Variants in DDX54 observed in about 807,000 individuals in gnomAD.
DDX54 encodes the protein ATP-dependent RNA helicase DDX54.
A neutral mutation model predicts 105.5 loss-of-function variants in DDX54; 67 were observed. The ratio of observed to expected loss-of-function variants is 0.64; its 90% CI spans 0.52 to 0.78. DDX54 has a LOEUF of 0.78. DDX54 is among the 30% of genes least tolerant of loss of function. The pLI, the probability that DDX54 is intolerant of heterozygous loss-of-function variation, is 0.00. For missense variants in DDX54, 1,206 were observed against 1,230.5 expected (o/e 0.98, Z 0.30); for synonymous variants, 514 against 509.9 (o/e 1.01, Z -0.11).
chr12:113,175,213 C>T, intron 7 of DDX54, 56 bp from the exon 8 acceptor site: 1 of 1,533,866 alleles, frequency 6.5e-7, no homozygotes. Context: ...CCTGGAGTTC[C>T]AACCGCAGCC....
chr12:113,171,802 G>A (rs1480853752), intron 11 of DDX54, among the ~76,000 whole-genome samples: 1 of 152,114 alleles, frequency 6.6e-6, no homozygotes, highest in African/African-American at 2.4e-5. Flanking sequence ...AGCAATGGGG[G>A]ACAGTGATCT....
At chr12:113,161,505 C>A in intron 18 of DDX54, 123 bp from the exon 19 acceptor site, 1 of 737,498 alleles carries the variant, frequency 1.4e-6, no homozygotes, top group South Asian at 1.8e-5. Flanking sequence ...CGGCCCCGCC[C>A]CCAGCACACA....
Position 113,163,865 on chromosome 12 carries a change from C to A in DDX54, c.1938+202G>T, listed in dbSNP as rs978300010. ...ACTGAGGGTGTCATGTCGTGCACAG[C>A]TCCTCAGGCTAAAGATCTGGCCCCA... On this transcript the variant is annotated intron_variant, in intron 15 of 19. Coordinates refer to ENST00000306014, the MANE Select transcript of DDX54 (RefSeq NM_024072.4). This position sits in a 1 kb window ranked among gnomAD's most constrained non-coding sequence, Gnocchi z 5.9. 1.3e-5 allele frequency among the ~76,000 whole-genome samples: 2 copies of A among 152,200 alleles called. No homozygotes were observed. The highest frequency in any genetic ancestry group is 2.9e-5 in the Non-Finnish European group (2 of 68,032).
chr12:113,160,937 G>C (rs1952196195), intron 19 of DDX54, among the ~76,000 whole-genome samples: 1 of 152,218 alleles, frequency 6.6e-6, no homozygotes, highest in African/African-American at 2.4e-5. Flanking sequence ...TTAATTAGGT[G>C]AACAGGGCAT....
intron 3 of DDX54, 50 bp downstream of exon 3, chr12:113,179,885 G>C (rs1464430619): frequency 1.3e-6 from 2 of 1,599,634 alleles, no homozygotes; most frequent in South Asian, 2.2e-5. Flanking sequence ...AGAGAGGAGG[G>C]CCATGTCACT....
chr12:113,162,602 G>T, intron 17 of DDX54: 1 of 351,034 alleles, frequency 2.8e-6, no homozygotes, highest in African/African-American at 2.2e-5. Flanking sequence ...ACTCACCCTG[G>T]GCCTGGAGGG....
In DDX54 at chr12:113,179,079, G is replaced by A. The variant is rs552006052; in HGVS notation, c.565-53C>T. 12 of 1,613,196 alleles carry A rather than the reference G, an allele frequency of 7.4e-6. No homozygotes were observed. The Middle Eastern group carries it at 6.6e-4, about 89-fold the overall frequency. On this transcript the variant is annotated intron_variant, in intron 4 of 19. Coordinates refer to ENST00000306014, the MANE Select transcript of DDX54 (RefSeq NM_024072.4). ...GCAGGGGTGAGATGACAGCACACTCGTGGCCTCTGTGTCCGGTCCCAAGTC... is the reference window on the plus strand; with the variant it reads ...GCAGGGGTGAGATGACAGCACACTCATGGCCTCTGTGTCCGGTCCCAAGTC...
rs1198032782 is a variant in DDX54 at position 113,185,423 on chromosome 12, C to A, written c.29G>T (p.Gly10Val). MAADKGPAA[G>V]PRSRAAMAQW... ...GGCCATGGCAGCTCGCGACCGAGGT[C>A]CAGCCGCCGGGCCCTTGTCGGCCGC... Residue 10 changes from glycine to valine, a missense_variant, in exon 1 of 20, where the codon GGA becomes GTA. Transcript: ENST00000306014. The A allele has an allele frequency of 3.3e-6, 5 of 1,526,558 alleles. No individual in the cohort carries two copies. The highest frequency in any genetic ancestry group is 4.4e-6 in the Non-Finnish European group (5 of 1,139,764). 94.6% of individuals were successfully genotyped at this position (1,526,558 alleles called of 1,614,324 possible).
intron 5 of DDX54, 86 bp from the exon 6 acceptor site, chr12:113,177,179 AC>A (rs1361524123): frequency 9.3e-6 from 14 of 1,506,222 alleles, no homozygotes; most frequent in Non-Finnish European, 1.3e-5. Flanking sequence ...AAGGCTGCAC[AC>A]CCCATCCCCA....
intron 7 of DDX54, among the ~76,000 whole-genome samples, chr12:113,175,776 G>A (rs1593006265): frequency 6.6e-6 from 1 of 151,144 alleles, no homozygotes; most frequent in Non-Finnish European, 1.5e-5. Flanking sequence ...GCAACAGAGT[G>A]AGACTCCGTC....
chr12:113,183,559 C>T (rs1952489506), intron 1 of DDX54, among the ~76,000 whole-genome samples: 1 of 152,224 alleles, frequency 6.6e-6, no homozygotes, highest in African/African-American at 2.4e-5. Context: ...TGCCAGGCAC[C>T]CGCTGGGAAC....
At chr12:113,176,615 T>A (rs182922825) in intron 7 of DDX54, among the ~76,000 whole-genome samples, 1 of 152,302 alleles carries the variant, frequency 6.6e-6, no homozygotes, top group Non-Finnish European at 1.5e-5. Context: ...GTCCTATTAT[T>A]CATTTCAATA....
chr12:113,167,411 A>G (rs1230788917), intron 12 of DDX54, among the ~76,000 whole-genome samples: 1 of 152,176 alleles, frequency 6.6e-6, no homozygotes. Flanking sequence ...TAAAAAAGCA[A>G]AACAACAAAA....
At chr12:113,173,390 C>G (rs1270792059) in intron 10 of DDX54, among the ~76,000 whole-genome samples, 1 of 152,150 alleles carries the variant, frequency 6.6e-6, no homozygotes, top group East Asian at 1.9e-4. Flanking sequence ...CTATTTTGGT[C>G]TTATTCACTG....
chr12:113,161,033 G>A (rs376477717), intron 19 of DDX54, among the ~76,000 whole-genome samples: 6 of 148,518 alleles, frequency 4.0e-5, no homozygotes, highest in East Asian at 4.0e-4. Context: ...ACTTCCCAGC[G>A]CCTGTCAGGC....
At chr12:113,159,850 G>A (rs1350045719) in intron 19 of DDX54, among the ~76,000 whole-genome samples, 1 of 152,044 alleles carries the variant, frequency 6.6e-6, no homozygotes, top group African/African-American at 2.4e-5. Context: ...CTCCCACTAA[G>A]CCCTGTGTCC....
intron 3 of DDX54, among the ~76,000 whole-genome samples, 155 bp from the exon 4 acceptor site, chr12:113,179,486 CA>C (rs1327169722): frequency 6.6e-6 from 1 of 152,194 alleles, no homozygotes; most frequent in African/African-American, 2.4e-5. Context: ...CCCATTCTTT[CA>C]AAAGCCTGTT....
rs746688474 is a variant in DDX54 at position 113,179,934 on chromosome 12, C to T, written c.375+1G>A. 30 of 1,614,022 alleles carry T rather than the reference C, an allele frequency of 1.9e-5. No homozygotes were observed. Among genetic ancestry groups the T allele is most frequent in the Non-Finnish European group, 1.7e-6 (2 of 1,180,028 alleles). On this transcript the variant is annotated splice_donor_variant, in intron 3 of 19. Transcript: ENST00000306014. LOFTEE classifies it high-confidence loss of function. ...CACCCGTCGACCGCCCCACCCCTCA[C>T]CTTCCTCTGGATGGGTGTTGGCACC...
Position 113,185,127 on chromosome 12 carries a change from G to A in DDX54, c.174+151C>T, listed in dbSNP as rs1460886114. 1.8e-5 allele frequency: 18 copies of A among 1,000,028 alleles called. No homozygotes were observed. In the South Asian group the frequency reaches 4.1e-4, roughly 23 times the overall value. The allele number at this position is 1,000,028 out of a possible 1,614,324, so 61.9% of individuals were successfully genotyped here. On this transcript the variant is annotated intron_variant, in intron 1 of 19. Coordinates refer to ENST00000306014, the MANE Select transcript of DDX54 (RefSeq NM_024072.4). ...TGACAAGCCCCGAGACACGTGCTCA[G>A]GCCGGCGGTCCCAAGACCGGTCCTC...
Sources: gnomAD v4.1 joint callset for allele counts (sites outside exome capture counted in the v4.1 genomes callset) on GRCh38, gnomAD v4.1.1 for gene constraint, Gnocchi (gnomAD v3.1) non-coding constraint, MANE v1.5 for transcripts, NCBI Gene and HGNC (gene_info 2026-07-23, HGNC 2026-07-21) for gene names.